DRC11: variants seen among roughly 807,000 people sequenced by gnomAD.
The protein encoded by DRC11 is IQ and AAA domain-containing protein 1.
the DRC11 span, among the ~76,000 whole-genome samples, chr2:236,429,105 G>T: frequency 3.3e-5 from 5 of 152,292 alleles, no homozygotes; most frequent in South Asian, 6.2e-4. The surrounding 1 kb of genome is among the most constrained non-coding windows in gnomAD (Gnocchi z 5.9). Context: ...GCAGCAGGGT[G>T]GGGGGACAGA....
the DRC11 span, among the ~76,000 whole-genome samples, chr2:236,373,560 A>G: frequency 6.6e-6 from 1 of 152,164 alleles, no homozygotes; most frequent in African/African-American, 2.4e-5. Flanking sequence ...CTCTTACTGT[A>G]TATTAACCTG....
chr2:236,414,627 C>T, the DRC11 span, among the ~76,000 whole-genome samples: 5 of 152,070 alleles, frequency 3.3e-5, no homozygotes, highest in Non-Finnish European at 7.4e-5. Context: ...GGCAGGACTA[C>T]TGTGCTTTTG....
At chr2:236,404,156 A>G in the DRC11 span, among the ~76,000 whole-genome samples, 1 of 136,456 alleles carries the variant, frequency 7.3e-6, no homozygotes, top group African/African-American at 2.8e-5. Flanking sequence ...AACCCAATGG[A>G]GAGTTAAAAA....
chr2:236,492,574 T>C, the DRC11 span, among the ~76,000 whole-genome samples: 1 of 152,224 alleles, frequency 6.6e-6, no homozygotes, highest in Non-Finnish European at 1.5e-5. Flanking sequence ...GCATAGTTAC[T>C]CATAGTGCCC....
the DRC11 span, chr2:236,507,360 G>C: frequency 1.5e-6 from 2 of 1,339,514 alleles, no homozygotes; most frequent in South Asian, 2.3e-5. Context: ...GCACTACCAG[G>C]AGCTACAGAG....
chr2:236,339,096 G>C, the DRC11 span, among the ~76,000 whole-genome samples: 2 of 152,146 alleles, frequency 1.3e-5, no homozygotes, highest in South Asian at 2.1e-4. Context: ...GCAATGGTGA[G>C]AGCCTCTGCA....
the DRC11 span, chr2:236,497,301 G>T: frequency 6.2e-7 from 1 of 1,613,894 alleles, no homozygotes; most frequent in Non-Finnish European, 8.5e-7. The surrounding 1 kb of genome is among the most constrained non-coding windows in gnomAD (Gnocchi z 5.1). Context: ...TTCGTTTCTG[G>T]GGGTGGACGA....
chr2:236,436,536 T>G, the DRC11 span, among the ~76,000 whole-genome samples: 1 of 152,162 alleles, frequency 6.6e-6, no homozygotes, highest in South Asian at 2.1e-4. Context: ...CTACTTGATT[T>G]TGCCAAATGG....
the DRC11 span, among the ~76,000 whole-genome samples, chr2:236,309,672 G>T: frequency 3.9e-5 from 6 of 152,158 alleles, no homozygotes; most frequent in Non-Finnish European, 7.4e-5. The surrounding 1 kb of genome is among the most constrained non-coding windows in gnomAD (Gnocchi z 5.7). Context: ...TTTCTGACAC[G>T]CATGGGTCAT....
At chr2:236,326,770 G>A in the DRC11 span, among the ~76,000 whole-genome samples, 2 of 148,748 alleles carry the variant, frequency 1.3e-5, no homozygotes, top group Admixed American at 6.7e-5. Flanking sequence ...AAAATGTTTT[G>A]GAATTTTGAT....
the DRC11 span, among the ~76,000 whole-genome samples, chr2:236,365,649 C>T: frequency 6.6e-6 from 1 of 151,914 alleles, no homozygotes; most frequent in African/African-American, 2.4e-5. This position sits in a 1 kb window ranked among gnomAD's most constrained non-coding sequence, Gnocchi z 7.4. Context: ...GGTGAGTGGA[C>T]CCGGGAGAGT....
At chr2:236,421,019 T>C in the DRC11 span, among the ~76,000 whole-genome samples, 7 of 152,242 alleles carry the variant, frequency 4.6e-5, no homozygotes, top group African/African-American at 1.7e-4. Flanking sequence ...GATTCTGGTA[T>C]GTTGTGTCTT....
At chr2:236,355,895 C>T in the DRC11 span, among the ~76,000 whole-genome samples, 51 of 152,256 alleles carry the variant, frequency 3.3e-4, no homozygotes, top group Admixed American at 2.3e-3. Flanking sequence ...CCTCTGCTGA[C>T]ACCTGGACTA....
the DRC11 span, among the ~76,000 whole-genome samples, chr2:236,341,078 G>C: frequency 6.6e-6 from 1 of 152,158 alleles, no homozygotes; most frequent in Non-Finnish European, 1.5e-5. Flanking sequence ...TATTACTTTG[G>C]GCAATTTCAA....
the DRC11 span, among the ~76,000 whole-genome samples, chr2:236,310,013 TG>T: frequency 6.6e-6 from 1 of 152,226 alleles, no homozygotes; most frequent in African/African-American, 2.4e-5. The surrounding 1 kb of genome is among the most constrained non-coding windows in gnomAD (Gnocchi z 5.5). Flanking sequence ...CACCCGTGCC[TG>T]CCCGCAGTTT....
the DRC11 span, among the ~76,000 whole-genome samples, chr2:236,470,061 G>C: frequency 6.6e-6 from 1 of 152,122 alleles, no homozygotes; most frequent in Non-Finnish European, 1.5e-5. This position sits in a 1 kb window ranked among gnomAD's most constrained non-coding sequence, Gnocchi z 5.1. Flanking sequence ...TGTAAAAATA[G>C]GACATAATGT....
At chr2:236,416,741 A>ATATTTT in the DRC11 span, among the ~76,000 whole-genome samples, 5 of 55,978 alleles carry the variant, frequency 8.9e-5, no homozygotes, top group African/African-American at 1.4e-4. Context: ...ATATATATAT[A>ATATTTT]TATATATATA....
chr2:236,492,152 C>T, the DRC11 span, among the ~76,000 whole-genome samples: 1 of 152,192 alleles, frequency 6.6e-6, no homozygotes, highest in African/African-American at 2.4e-5. Flanking sequence ...AAATAAACTT[C>T]TGTTGTCTTT....
At chr2:236,366,842 CTCTT>C in the DRC11 span, among the ~76,000 whole-genome samples, 2 of 144,176 alleles carry the variant, frequency 1.4e-5, no homozygotes, top group East Asian at 2.3e-4. Context: ...CTCTCTTTCT[CTCTT>C]TCTTTCGATG....
Sources: allele counts gnomAD v4.1 joint callset (sites outside exome capture counted in the v4.1 genomes callset), GRCh38; gene constraint gnomAD v4.1.1; non-coding constraint Gnocchi (gnomAD v3.1); transcripts MANE v1.5; gene names NCBI Gene and HGNC (gene_info 2026-07-23, HGNC 2026-07-21).